TAF4B: variants seen among roughly 807,000 people sequenced by gnomAD.
TAF4B encodes TATA-box binding protein associated factor 4b.
TAF4B carries 38 observed loss-of-function variants against 86.4 expected under a neutral mutation model. The observed-to-expected ratio is 0.44, with a 90% CI of 0.34 to 0.58. The LOEUF (loss-of-function observed/expected upper bound fraction) is 0.58. TAF4B is among the 20% of genes least tolerant of loss of function. The pLI is 0.02. For missense variants in TAF4B, 988 were observed against 1,027.6 expected, an observed-to-expected ratio of 0.96 and a Z score of 0.53; for synonymous variants, 388 against 391.2, an observed-to-expected ratio of 0.99 and a Z score of 0.10.
At chr18:26,324,638 C>G (rs2056990114) in intron 11 of TAF4B, among the ~76,000 whole-genome samples, 1 of 152,194 alleles carries the variant, frequency 6.6e-6, no homozygotes, top group Non-Finnish European at 1.5e-5. Flanking sequence ...GAAGACCTCA[C>G]TAAGTTAGCT....
At chr18:26,310,770 T>G (rs1173933983) in intron 9 of TAF4B, among the ~76,000 whole-genome samples, 1 of 152,156 alleles carries the variant, frequency 6.6e-6, no homozygotes, top group Admixed American at 6.5e-5. Flanking sequence ...TTACCCAGGT[T>G]CCCAGCCTAG....
rs745456321 is a variant in TAF4B at position 26,275,104 on chromosome 18, G to A, written c.882+51G>A. 5.3e-6 allele frequency: 8 copies of A among 1,514,030 alleles called. No homozygotes were observed. In the East Asian group the frequency reaches 6.9e-5, roughly 13 times the overall value. 93.8% of individuals were successfully genotyped at this position (1,514,030 alleles called of 1,614,324 possible). A position where few individuals can be genotyped will look rare whatever the true frequency, so the allele number is the denominator to read the frequency against. ...AATTCTGGAGGAATCCATATAACATGTTGTAATTGGGAAATGCATATTTTT... is the reference window on the plus strand; with the variant it reads ...AATTCTGGAGGAATCCATATAACATATTGTAATTGGGAAATGCATATTTTT... On this transcript the variant is annotated intron_variant, in intron 5 of 14. Coordinates refer to ENST00000269142, the MANE Select transcript of TAF4B (RefSeq NM_005640.3).
chr18:26,257,744 A>G (rs948065461), intron 1 of TAF4B, among the ~76,000 whole-genome samples: 1 of 151,794 alleles, frequency 6.6e-6, no homozygotes, highest in Non-Finnish European at 1.5e-5. Flanking sequence ...TACAATATGA[A>G]CCTCATTGGA....
chr18:26,266,599 C>G (rs1424509204), intron 2 of TAF4B, among the ~76,000 whole-genome samples: 2 of 151,990 alleles, frequency 1.3e-5, no homozygotes, highest in Non-Finnish European at 2.9e-5. Flanking sequence ...CGGTGACTCA[C>G]GCCTGTAATC....
In TAF4B at chr18:26,231,342, GGGGTTTTTTTT is replaced by G. The variant is rs1162036871; in HGVS notation, c.343+4067_343+4077del. Among the ~76,000 whole-genome samples, 28 of 30,930 alleles carry G rather than the reference GGGGTTTTTTTT, an allele frequency of 9.1e-4. No individual in the cohort carries two copies. In the Admixed American group the frequency reaches 0.014, roughly 15 times the overall value. The allele number at this position is 30,930 out of a possible 152,430, so 20.3% of individuals were successfully genotyped here. On this transcript the variant is annotated intron_variant, in intron 1 of 14. Coordinates refer to ENST00000269142, the MANE Select transcript of TAF4B (RefSeq NM_005640.3). Reference sequence around the variant, plus strand: ...ACAGATGTGAGCCACCCAGCTGCTTGGGGTTTTTTTTTTTTTTTTTTTTTTTTGGAGACAGA... The same window carrying G: ...ACAGATGTGAGCCACCCAGCTGCTTGTTTTTTTTTTTTTTTTGGAGACAGA...
intron 14 of TAF4B, among the ~76,000 whole-genome samples, chr18:26,375,104 G>A (rs2057433865): frequency 6.6e-6 from 1 of 152,048 alleles, no homozygotes; most frequent in African/African-American, 2.4e-5. Flanking sequence ...CTGACAACCG[G>A]TAATCTATTT....
chr18:26,327,081 C>T lies in TAF4B; in HGVS notation c.2200C>T (p.Gln734Ter). The change falls in exon 12 of 15, where the codon CAA becomes TAA. Residue 734 changes from glutamine to a stop codon, truncating the protein, a stop_gained. Transcript: ENST00000269142. LOFTEE classifies it high-confidence loss of function. ...SQLKFLEKLD[Q>*]LEKQRKDLEE... ...GCTCAAATTTCTTGAAAAGCTGGAT[C>T]AATTGGAGAAGCAGAGAAAGGATTT... 6.2e-7 allele frequency: 1 copy of T among 1,613,518 alleles called. No homozygotes were observed.
At chr18:26,293,386 CT>C in intron 8 of TAF4B, 39 bp from the exon 9 acceptor site, 15 of 1,452,526 alleles carry the variant, frequency 1.0e-5, no homozygotes, top group Admixed American at 4.1e-5. Flanking sequence ...GGTGTGATTG[CT>C]TTTTTTGTAT....
chr18:26,299,835 G>C (rs2056709669), intron 9 of TAF4B, among the ~76,000 whole-genome samples: 1 of 151,886 alleles, frequency 6.6e-6, no homozygotes, highest in African/African-American at 2.4e-5. Context: ...CTTTTCTTTT[G>C]AATGTGTATA....
At chr18:26,294,367 T>G (rs78698315) in intron 9 of TAF4B, among the ~76,000 whole-genome samples, 5,390 of 152,164 alleles carry the variant, frequency 0.035, 172 homozygotes, top group Admixed American at 0.1. Context: ...TGCATTTTTC[T>G]AATGGCTAAA....
chr18:26,350,211 A>G (rs2057233846), intron 13 of TAF4B, among the ~76,000 whole-genome samples: 1 of 152,228 alleles, frequency 6.6e-6, no homozygotes, highest in Non-Finnish European at 1.5e-5. Flanking sequence ...AAATGGGATT[A>G]TATTAAATGA....
chr18:26,268,250 G>A (rs2056267435), intron 3 of TAF4B, among the ~76,000 whole-genome samples: 1 of 152,114 alleles, frequency 6.6e-6, no homozygotes, highest in Admixed American at 6.5e-5. Flanking sequence ...GTTCATCACA[G>A]GCTACTCCTT....
intron 1 of TAF4B, among the ~76,000 whole-genome samples, chr18:26,249,460 A>G (rs1270116095): frequency 6.6e-6 from 1 of 151,818 alleles, no homozygotes; most frequent in Non-Finnish European, 1.5e-5. Flanking sequence ...CAACAGAGCA[A>G]AACTCTCTCT....
rs2056891254 is a variant in TAF4B at position 26,315,132 on chromosome 18, C to CTCTCTCTCTG, written c.1833-88_1833-87insGTCTCTCTCT. On this transcript the variant is annotated intron_variant, in intron 9 of 14. Transcript: ENST00000269142. ...TCTCTCTCTCTCTCTCTCTCTCTCTCTCTCTCTCTCTCTGTCTCTCTCTCT... is the reference window on the plus strand; with the variant it reads ...TCTCTCTCTCTCTCTCTCTCTCTCTCTCTCTCTCTGTCTCTCTCTCTCTGTCTCTCTCTCT... The CTCTCTCTCTG allele has an allele frequency of 7.5e-5, 24 of 322,126 alleles. No individual in the cohort carries two copies. The African/African-American group carries it at 9.0e-4, about 12-fold the overall frequency. 20.0% of individuals were successfully genotyped at this position (322,126 alleles called of 1,614,324 possible).
At chr18:26,269,233 T>G (rs1006856997) in intron 3 of TAF4B, among the ~76,000 whole-genome samples, 4 of 139,292 alleles carry the variant, frequency 2.9e-5, no homozygotes, top group African/African-American at 1.0e-4. Context: ...CAGTGAGTGT[T>G]TGTTGTGAGT....
chr18:26,323,289 T>C (rs764708330), intron 11 of TAF4B, among the ~76,000 whole-genome samples: 5 of 152,198 alleles, frequency 3.3e-5, no homozygotes, highest in Non-Finnish European at 7.3e-5. Context: ...ATCTGGATGT[T>C]CTATTCATTA....
intron 10 of TAF4B, among the ~76,000 whole-genome samples, chr18:26,316,853 T>C (rs1163179682): frequency 6.6e-6 from 1 of 152,198 alleles, no homozygotes; most frequent in Non-Finnish European, 1.5e-5. Context: ...GCATATGTAT[T>C]TTGTATTATA....
intron 13 of TAF4B, among the ~76,000 whole-genome samples, chr18:26,355,476 T>C (rs1567919104): frequency 6.6e-6 from 1 of 152,222 alleles, no homozygotes; most frequent in South Asian, 2.1e-4. Flanking sequence ...CTGGTTTTAC[T>C]GTTTTGTGCT....
chr18:26,281,869 A>G (rs558171701), intron 5 of TAF4B, 102 bp from the exon 6 acceptor site: 114 of 771,090 alleles, frequency 1.5e-4, no homozygotes, highest in Admixed American at 3.2e-4. Context: ...TGACTTTATC[A>G]TTTGTGAAAA....
Sources: allele counts gnomAD v4.1 joint callset (sites outside exome capture counted in the v4.1 genomes callset), GRCh38; gene constraint gnomAD v4.1.1; transcripts MANE v1.5; gene names NCBI Gene and HGNC (gene_info 2026-07-23, HGNC 2026-07-21).